KCNK10: variants seen among roughly 807,000 people sequenced by gnomAD.
The protein encoded by KCNK10 is potassium two pore domain channel subfamily K member 10.
Under a neutral mutation model 47.7 loss-of-function variants are expected in KCNK10, and 25 were observed. That is an observed-to-expected ratio of 0.52 (90% CI 0.38 to 0.73). KCNK10 has a LOEUF of 0.73. KCNK10 is among the 30% of genes least tolerant of loss of function. KCNK10 has a pLI of 0.00. For synonymous variants in KCNK10, 303 were observed against 285.6 expected, an observed-to-expected ratio of 1.06 and a Z score of -0.61; for missense variants, 563 against 714.5, an observed-to-expected ratio of 0.79 and a Z score of 2.42.
intron 4 of KCNK10, among the ~76,000 whole-genome samples, chr14:88,219,483 T>C (rs1595087471): frequency 1.3e-5 from 2 of 151,864 alleles, no homozygotes; most frequent in South Asian, 2.1e-4. Flanking sequence ...GGAGTGGGAG[T>C]AGGCTGTTTG....
chr14:88,297,250 G>A (rs947617155), intron 1 of KCNK10, among the ~76,000 whole-genome samples: 4 of 152,106 alleles, frequency 2.6e-5, no homozygotes, highest in African/African-American at 7.2e-5. Context: ...GAAAAATCAT[G>A]CAAAAAAATT....
intron 4 of KCNK10, among the ~76,000 whole-genome samples, chr14:88,213,664 C>A (rs1885528303): frequency 6.6e-6 from 1 of 152,076 alleles, no homozygotes; most frequent in Admixed American, 6.6e-5. Context: ...ATGAGAAAGA[C>A]CTCACTGATA....
intron 4 of KCNK10, among the ~76,000 whole-genome samples, chr14:88,207,851 TG>T (rs113096237): frequency 0.035 from 5,311 of 151,810 alleles, 320 homozygotes; most frequent in African/African-American, 0.12. Flanking sequence ...AGATGTTATT[TG>T]GGGGGGGTGT....
At chr14:88,257,891 T>C (rs1421927872) in intron 2 of KCNK10, among the ~76,000 whole-genome samples, 1 of 152,156 alleles carries the variant, frequency 6.6e-6, no homozygotes, top group Non-Finnish European at 1.5e-5. Context: ...TTGAACTGGA[T>C]AATTCTTTGT....
intron 4 of KCNK10, among the ~76,000 whole-genome samples, chr14:88,206,607 G>A (rs1404610188): frequency 6.6e-6 from 1 of 152,202 alleles, no homozygotes; most frequent in Admixed American, 6.5e-5. Flanking sequence ...AGTCCTTTGT[G>A]ACATCTTAGT....
chr14:88,227,543 G>C lies in KCNK10; in HGVS notation c.521-8C>G. The C allele has an allele frequency of 6.3e-7, 1 of 1,577,756 alleles. No individual in the cohort carries two copies. Among genetic ancestry groups the C allele is most frequent in the South Asian group, 1.2e-5 (1 of 84,288 alleles). ...GAGCAATATTCCCATACCCTGGTGA[G>C]AAATATGAAAAAGAGGGAGAGTGGC... is the stretch of plus-strand genomic sequence containing the variant. On this transcript the variant is annotated splice_polypyrimidine_tract_variant and splice_region_variant and intron_variant, in intron 3 of 6. Transcript: ENST00000319231.
intron 1 of KCNK10, among the ~76,000 whole-genome samples, chr14:88,290,977 G>C (rs543261024): frequency 3.9e-5 from 6 of 152,344 alleles, no homozygotes; most frequent in African/African-American, 1.2e-4. Flanking sequence ...ACCGTGCTGT[G>C]GGAAGAGGCC....
At chr14:88,216,894 T>C (rs907454888) in intron 4 of KCNK10, among the ~76,000 whole-genome samples, 6 of 152,210 alleles carry the variant, frequency 3.9e-5, no homozygotes, top group African/African-American at 1.2e-4. Context: ...TGGTGGCTCA[T>C]GCCTGTAATC....
At chr14:88,306,159 AC>A (rs1270493719) in intron 1 of KCNK10, among the ~76,000 whole-genome samples, 1 of 152,226 alleles carries the variant, frequency 6.6e-6, no homozygotes, top group African/African-American at 2.4e-5. Context: ...TGAAAGTCTT[AC>A]ATAAACCCAG....
intron 1 of KCNK10, among the ~76,000 whole-genome samples, chr14:88,280,660 A>G (rs1225640295): frequency 6.6e-6 from 1 of 152,196 alleles, no homozygotes; most frequent in East Asian, 1.9e-4. Context: ...TTCAAGCCAA[A>G]TAGGCAGGAT....
rs1884570929 is a variant in KCNK10 at position 88,186,603 on chromosome 14, A to G, written c.1012-448T>C. ...GTCCTGGGCACAGCAGATGTTCAGC[A>G]GGCCTTCTGCCCTCCCTGCCTTTCT... On this transcript the variant is annotated intron_variant, in intron 6 of 6. Coordinates refer to ENST00000319231, the MANE Select transcript of KCNK10 (RefSeq NM_138317.3). This position sits in a 1 kb window ranked among gnomAD's most constrained non-coding sequence, Gnocchi z 5.5. 6.6e-6 allele frequency among the ~76,000 whole-genome samples: 1 copy of G among 152,046 alleles called. No homozygotes were observed. Among genetic ancestry groups the G allele is most frequent in the Non-Finnish European group, 1.5e-5 (1 of 67,994 alleles).
intron 1 of KCNK10, among the ~76,000 whole-genome samples, chr14:88,278,593 A>C (rs1279271519): frequency 3.9e-5 from 6 of 152,240 alleles, no homozygotes. Context: ...CAAAGCCTGC[A>C]GGAAAACACA....
chr14:88,203,014 C>A (rs1318688519), intron 4 of KCNK10, among the ~76,000 whole-genome samples: 1 of 152,058 alleles, frequency 6.6e-6, no homozygotes, highest in South Asian at 2.1e-4. Context: ...AAAGCATCAG[C>A]GGGGAGCTTC....
chr14:88,218,287 A>C (rs1885689551), intron 4 of KCNK10, among the ~76,000 whole-genome samples: 3 of 152,230 alleles, frequency 2.0e-5, no homozygotes, highest in South Asian at 4.1e-4. Context: ...TGCCAGGCAC[A>C]TGGCAGAGGC....
chr14:88,188,587 G>A (rs1005904914), intron 5 of KCNK10, among the ~76,000 whole-genome samples: 6 of 152,330 alleles, frequency 3.9e-5, no homozygotes, highest in African/African-American at 1.4e-4. Context: ...GTGGATGTGT[G>A]AAAGTAAAAT....
intron 1 of KCNK10, among the ~76,000 whole-genome samples, chr14:88,314,596 T>G (rs7146363): frequency 0.023 from 3,563 of 152,280 alleles, 48 homozygotes; most frequent in African/African-American, 0.035. Context: ...GTTGTTTAAA[T>G]CTGAACTAAG....
intron 3 of KCNK10, among the ~76,000 whole-genome samples, chr14:88,240,069 C>A (rs1021619495): frequency 1.3e-5 from 2 of 151,992 alleles, no homozygotes; most frequent in African/African-American, 4.8e-5. Flanking sequence ...CAAAATCATG[C>A]AGATGTTTCA....
At position 88,227,519 on chromosome 14, in the gene KCNK10, A is replaced by G; in HGVS notation, c.537T>C (p.Ala179=). The change falls in exon 4 of 7, where the codon GCT becomes GCC. Residue 179 remains alanine (A), a synonymous_variant. Transcript: ENST00000319231. ...VITTIGYGNI[A]PSTEGGKIFC... ...AGATTTTGCCTCCTTCAGTGCTCGG[A>G]GCAATATTCCCATACCCTGGTGAGA... 6.2e-7 allele frequency: 1 copy of G among 1,609,054 alleles called. No homozygotes were observed. Among genetic ancestry groups the G allele is most frequent in the Non-Finnish European group, 8.5e-7 (1 of 1,178,218 alleles).
At chr14:88,323,288 C>T (rs1595137758), upstream of KCNK10, 35 of 985,190 alleles carry the variant, frequency 3.6e-5, no homozygotes, top group Non-Finnish European at 4.2e-5. Flanking sequence ...ACGTCAGCCT[C>T]GCTCGGCCGC....
Sources: allele counts gnomAD v4.1 joint callset (sites outside exome capture counted in the v4.1 genomes callset), GRCh38; gene constraint gnomAD v4.1.1; non-coding constraint Gnocchi (gnomAD v3.1); transcripts MANE v1.5; gene names NCBI Gene and HGNC (gene_info 2026-07-23, HGNC 2026-07-21).